The following MYO18B variants were observed in gnomAD, a reference collection of about 807,000 sequenced individuals.
MYO18B encodes the protein unconventional myosin-XVIIIb.
MYO18B carries 204 observed loss-of-function variants against 273.0 expected under a neutral mutation model. The observed-to-expected ratio is 0.75, with a 90% CI of 0.67 to 0.84. The LOEUF is 0.84. MYO18B is among the 40% of genes least tolerant of loss of function. The pLI is 0.00. For missense variants in MYO18B, 3,212 were observed against 3,287.6 expected (o/e 0.98, Z 0.56); for synonymous variants, 1,330 against 1,305.7 (o/e 1.02, Z -0.40).
intron 35 of MYO18B, among the ~76,000 whole-genome samples, chr22:25,947,507 C>G (rs976774725): frequency 4.2e-4 from 59 of 141,872 alleles, no homozygotes; most frequent in Middle Eastern, 3.5e-3. Flanking sequence ...CACACACACA[C>G]ACACACACAC....
intron 43 of MYO18B, among the ~76,000 whole-genome samples, chr22:26,028,145 T>C (rs1321336620): frequency 2.7e-5 from 4 of 150,364 alleles, no homozygotes; most frequent in African/African-American, 9.8e-5. Flanking sequence ...CTCAGGAGGC[T>C]GAGGCAGGAC....
chr22:25,798,208 A>G lies in MYO18B; in HGVS notation c.2521+111A>G, dbSNP rs975178194. ...GAACAGGGTCAATCTGTCACCTTCT[A>G]TGTCTCTGGGACTTCCCTTGGGGAG... is the stretch of plus-strand genomic sequence containing the variant. On this transcript the variant is annotated intron_variant, in intron 12 of 43. Coordinates refer to ENST00000335473, the MANE Select transcript of MYO18B (RefSeq NM_032608.7). 63 of 1,343,708 alleles carry G rather than the reference A, an allele frequency of 4.7e-5. No homozygotes were observed. The Middle Eastern group carries it at 1.1e-3, about 23-fold the overall frequency. 83.2% of individuals were successfully genotyped at this position (1,343,708 alleles called of 1,614,324 possible).
chr22:25,792,481 C>CTT lies in MYO18B; in HGVS notation c.2377-5463_2377-5462dup, dbSNP rs376827286. 9.2e-5 allele frequency among the ~76,000 whole-genome samples: 5 copies of CTT among 54,414 alleles called. 1 individual carries two copies. Among genetic ancestry groups the CTT allele is most frequent in the African/African-American group, 1.4e-4 (3 of 21,002 alleles). The allele number at this position is 54,414 out of a possible 152,430, so 35.7% of individuals were successfully genotyped here. On this transcript the variant is annotated intron_variant, in intron 11 of 43. Coordinates refer to ENST00000335473, the MANE Select transcript of MYO18B (RefSeq NM_032608.7). ...CTGTGCGGGCACCTATGTGATGTTT[C>CTT]TTTTTTTTTTCTTTTCTTTTTTTTT...
At chr22:25,837,955 AC>A (rs1851117886) in intron 17 of MYO18B, among the ~76,000 whole-genome samples, 1 of 152,076 alleles carries the variant, frequency 6.6e-6, no homozygotes, top group African/African-American at 2.4e-5. Flanking sequence ...ATGGTGATTT[AC>A]TGCACAGATT....
At chr22:25,771,904 C>G (rs146987009) in intron 6 of MYO18B, among the ~76,000 whole-genome samples, 1 of 152,334 alleles carries the variant, frequency 6.6e-6, no homozygotes, top group East Asian at 1.9e-4. Context: ...GGCCATTGGC[C>G]TCCACTCCTG....
chr22:26,042,350 G>T, the MYO18B span, among the ~76,000 whole-genome samples: 1 of 152,218 alleles, frequency 6.6e-6, no homozygotes, highest in African/African-American at 2.4e-5. Context: ...CGCCTAGTAG[G>T]CCCTCAGTAA....
intron 42 of MYO18B, among the ~76,000 whole-genome samples, chr22:26,021,095 TAAAG>T (rs1346492944): frequency 2.0e-5 from 3 of 151,940 alleles, no homozygotes; most frequent in Non-Finnish European, 1.5e-5. Context: ...TCTCAAAAAA[TAAAG>T]AAAAGAAAAA....
chr22:25,896,749 G>C (rs1033906853), intron 28 of MYO18B: 1 of 151,980 alleles, frequency 6.6e-6, no homozygotes, highest in African/African-American at 2.4e-5. Context: ...CTAGTAAATG[G>C]CTCCCTGGAA....
chr22:25,946,334 C>A, intron 35 of MYO18B, 84 bp downstream of exon 35: 1 of 894,052 alleles, frequency 1.1e-6, no homozygotes, highest in Non-Finnish European at 1.7e-6. Context: ...GCGCTCAGCA[C>A]TATAGGAAGT....
At chr22:25,865,493 A>G (rs185792172) in intron 21 of MYO18B, among the ~76,000 whole-genome samples, 78 of 152,368 alleles carry the variant, frequency 5.1e-4, no homozygotes, top group Non-Finnish European at 8.2e-4. Flanking sequence ...GTTTTGACCA[A>G]AACAGAGGTG....
intron 33 of MYO18B, among the ~76,000 whole-genome samples, chr22:25,918,496 A>G (rs905979422): frequency 6.6e-6 from 1 of 152,240 alleles, no homozygotes; most frequent in African/African-American, 2.4e-5. Flanking sequence ...TTTATTTCCC[A>G]TTAACCTAAT....
At chr22:25,809,528 C>T (rs565268149) in intron 12 of MYO18B, among the ~76,000 whole-genome samples, 9 of 152,262 alleles carry the variant, frequency 5.9e-5, no homozygotes, top group African/African-American at 9.6e-5. Flanking sequence ...TAATATACGA[C>T]GCAGTCAGAA....
chr22:25,883,979 G>A lies in MYO18B; in HGVS notation c.4314+5931G>A, dbSNP rs952190724. Among the ~76,000 whole-genome samples the A allele has an allele frequency of 6.6e-6, 1 of 152,050 alleles. No individual in the cohort carries two copies. Among genetic ancestry groups the A allele is most frequent in the Non-Finnish European group, 1.5e-5 (1 of 68,020 alleles). On this transcript the variant is annotated intron_variant, in intron 25 of 43. Coordinates refer to ENST00000335473, the MANE Select transcript of MYO18B (RefSeq NM_032608.7). The surrounding 1 kb of genome is among the most constrained non-coding windows in gnomAD (Gnocchi z 7.6). ...TTGTTGGAAGCACCTGTAAGGTTTT[G>A]GGACCACATGGGATATAAAATGAGG...
Position 25,763,384 on chromosome 22 carries a change from C to T in MYO18B, c.193C>T (p.Arg65Ter), listed in dbSNP as rs746659130. ...RKQLAVASPE[R>*]EIPEISISQP... ...GCAGTTAGCTGTCGCCTCTCCAGAACGAGAGGTAAGTGGTTCCTAAGAAGG... is the reference window on the plus strand; with the variant it reads ...GCAGTTAGCTGTCGCCTCTCCAGAATGAGAGGTAAGTGGTTCCTAAGAAGG... Residue 65 changes from arginine (R) to a stop codon, truncating the protein, a stop_gained, in exon 3 of 44, where the codon CGA (arginine) becomes TGA (stop). Transcript: ENST00000335473. LOFTEE classifies it high-confidence loss of function. The T allele has an allele frequency of 3.1e-6, 5 of 1,609,004 alleles. No individual in the cohort carries two copies. Among genetic ancestry groups the T allele is most frequent in the East Asian group, 4.5e-5 (2 of 44,842 alleles).
In MYO18B at chr22:25,921,249, G is replaced by A. The variant is rs1187364449; in HGVS notation, c.5365-8G>A. ...ACCTAAGCTCATGGGTCTCCCTTTGGCTTTCAGATTGGCCATCGGGACTTT... is the reference window on the plus strand; with the variant it reads ...ACCTAAGCTCATGGGTCTCCCTTTGACTTTCAGATTGGCCATCGGGACTTT... On this transcript the variant is annotated splice_polypyrimidine_tract_variant and splice_region_variant and intron_variant, in intron 33 of 43. Transcript: ENST00000335473. 6.5e-7 allele frequency: 1 copy of A among 1,549,780 alleles called. No individual in the cohort carries two copies. The highest frequency in any genetic ancestry group is 1.2e-5 in the South Asian group (1 of 83,932).
intron 31 of MYO18B, among the ~76,000 whole-genome samples, chr22:25,907,382 T>A (rs1809062601): frequency 6.6e-6 from 1 of 152,240 alleles, no homozygotes; most frequent in Non-Finnish European, 1.5e-5. Context: ...AGCTCATTCA[T>A]GGGATCACAG....
chr22:25,848,657 G>A (rs1437422303), intron 20 of MYO18B, among the ~76,000 whole-genome samples: 1 of 152,172 alleles, frequency 6.6e-6, no homozygotes, highest in Non-Finnish European at 1.5e-5. Flanking sequence ...AAGAAAATGT[G>A]CACCTGATGT....
At chr22:25,992,000 C>T (rs1227165049) in intron 39 of MYO18B, among the ~76,000 whole-genome samples, 2 of 152,180 alleles carry the variant, frequency 1.3e-5, no homozygotes, top group Admixed American at 6.5e-5. Context: ...ACTCCATGAC[C>T]CTTCTTGGTT....
In MYO18B at chr22:25,903,480, G is replaced by A. The variant is rs779824655; in HGVS notation, c.4948-151G>A. ...CCCTTGCTGGTGTCCCACAGGGGGC[G>A]CTGTGAGGGACGGTGGGGTCCAGGT... On this transcript the variant is annotated intron_variant, in intron 30 of 43. Coordinates refer to ENST00000335473, the MANE Select transcript of MYO18B (RefSeq NM_032608.7). The A allele has an allele frequency of 1.5e-4, 109 of 731,594 alleles. No homozygotes were observed. In the Middle Eastern group the frequency reaches 3.2e-3, roughly 21 times the overall value. The allele number at this position is 731,594 out of a possible 1,614,324, so 45.3% of individuals were successfully genotyped here.
Sources: allele counts gnomAD v4.1 joint callset (sites outside exome capture counted in the v4.1 genomes callset), GRCh38; gene constraint gnomAD v4.1.1; non-coding constraint Gnocchi (gnomAD v3.1); transcripts MANE v1.5; gene names NCBI Gene and HGNC (gene_info 2026-07-23, HGNC 2026-07-21).